Variants in SAMD5 observed in about 807,000 individuals in gnomAD.
The protein encoded by SAMD5 is sterile alpha motif domain containing 5.
SAMD5 carries 13 observed loss-of-function variants against 11.3 expected under a neutral mutation model. That is an observed-to-expected ratio of 1.15 (90% CI 0.75 to 1.83). The LOEUF (loss-of-function observed/expected upper bound fraction) is 1.83. Among genes scored for constraint, SAMD5 ranks in the 40% most tolerant of loss-of-function variants. The pLI is 0.00. For missense variants in SAMD5, 255 were observed against 239.1 expected (o/e 1.07, Z -0.44); for synonymous variants, 129 against 111.3 (o/e 1.16, Z -1.00).
At chr6:147,537,584 C>G (rs10872593) in intron 1 of SAMD5, among the ~76,000 whole-genome samples, 1 of 151,510 alleles carries the variant, frequency 6.6e-6, no homozygotes, top group Non-Finnish European at 1.5e-5. Flanking sequence ...AACCCCGTCT[C>G]TACTAAAAAT....
the SAMD5 span, among the ~76,000 whole-genome samples, chr6:147,813,542 C>T: frequency 6.6e-6 from 1 of 152,096 alleles, no homozygotes; most frequent in Non-Finnish European, 1.5e-5. Flanking sequence ...AAAACTGAGG[C>T]TTAGAAAGGT....
intron 1 of SAMD5, among the ~76,000 whole-genome samples, chr6:147,529,400 T>C (rs975030152): frequency 7.9e-5 from 12 of 152,332 alleles, no homozygotes; most frequent in African/African-American, 2.6e-4. Flanking sequence ...AAGAGTTCGA[T>C]GAATACCAAT....
chr6:147,878,810 A>G, the SAMD5 span, among the ~76,000 whole-genome samples: 27 of 151,936 alleles, frequency 1.8e-4, 1 homozygote, highest in Non-Finnish European at 4.4e-5. Flanking sequence ...GCTGGAGTGC[A>G]GTGGCGCAAT....
intron 1 of SAMD5, among the ~76,000 whole-genome samples, chr6:147,536,278 C>T (rs1332868055): frequency 2.6e-5 from 4 of 152,138 alleles, no homozygotes; most frequent in African/African-American, 7.2e-5. Flanking sequence ...CCACTGCGTC[C>T]GGCCAAGAAA....
intron 1 of SAMD5, among the ~76,000 whole-genome samples, chr6:147,644,282 C>T (rs978835118): frequency 2.6e-5 from 4 of 152,104 alleles, no homozygotes; most frequent in African/African-American, 9.7e-5. Flanking sequence ...AAGGACTTGC[C>T]TTCATGTATT....
intron 1 of SAMD5, among the ~76,000 whole-genome samples, chr6:147,536,796 A>AAT (rs999476071): frequency 5.3e-5 from 8 of 152,084 alleles, no homozygotes; most frequent in African/African-American, 1.9e-4. Flanking sequence ...ATAATTTTGG[A>AAT]ATATATATAA....
intron 1 of SAMD5, among the ~76,000 whole-genome samples, chr6:147,536,569 A>T (rs1157690204): frequency 6.6e-6 from 1 of 152,110 alleles, no homozygotes; most frequent in East Asian, 1.9e-4. Flanking sequence ...TTTTAAAGTT[A>T]TTTGAGAGCT....
chr6:147,527,910 G>C (rs1421174627), intron 1 of SAMD5, among the ~76,000 whole-genome samples: 2 of 152,110 alleles, frequency 1.3e-5, no homozygotes, highest in Non-Finnish European at 2.9e-5. Context: ...AGAGGCCTGA[G>C]GGAGATTTTA....
intron 1 of SAMD5, among the ~76,000 whole-genome samples, chr6:147,633,319 C>T (rs1790179111): frequency 6.6e-6 from 1 of 152,100 alleles, no homozygotes; most frequent in Non-Finnish European, 1.5e-5. Flanking sequence ...GCGGGCACCG[C>T]CTGCCATGTC....
At chr6:147,677,298 G>A (rs1056513544) in intron 1 of SAMD5, among the ~76,000 whole-genome samples, 1 of 152,154 alleles carries the variant, frequency 6.6e-6, no homozygotes, top group Admixed American at 6.5e-5. Flanking sequence ...TGATGGCAGA[G>A]CCACTCTGAA....
chr6:147,945,331 A>G, the SAMD5 span, among the ~76,000 whole-genome samples: 1 of 152,060 alleles, frequency 6.6e-6, no homozygotes, highest in South Asian at 2.1e-4. Context: ...CAGTACTATC[A>G]TTTTACCACA....
the SAMD5 span, among the ~76,000 whole-genome samples, chr6:147,865,240 G>C: frequency 6.6e-6 from 1 of 151,940 alleles, no homozygotes; most frequent in Non-Finnish European, 1.5e-5. Context: ...ACTGTGATGT[G>C]TGTGTGTGTG....
At position 147,715,088 on chromosome 6, in the gene SAMD5, G is replaced by A. The variant is rs1194087586; in HGVS notation, c.163-22229G>A. 2.0e-5 allele frequency among the ~76,000 whole-genome samples: 3 copies of A among 152,202 alleles called. No individual in the cohort carries two copies. The East Asian group carries it at 5.8e-4, about 29-fold the overall frequency. On this transcript the variant is annotated intron_variant, in intron 1 of 1. Coordinates refer to the SAMD5 transcript ENST00000566741. ...GTTTTACACTCTTTCCTGCAGTGGT[G>A]TCACGGGATCTTTAGGGTGTTTCTT...
chr6:147,752,515 G>A, the SAMD5 span, among the ~76,000 whole-genome samples: 6 of 152,138 alleles, frequency 3.9e-5, no homozygotes, highest in Non-Finnish European at 8.8e-5. Flanking sequence ...CCCTTTTCTG[G>A]TATTGATAGA....
At chr6:147,934,446 C>T in the SAMD5 span, among the ~76,000 whole-genome samples, 2 of 152,046 alleles carry the variant, frequency 1.3e-5, no homozygotes, top group Non-Finnish European at 2.9e-5. Flanking sequence ...GTAGGATACC[C>T]CTGACTAGGT....
the SAMD5 span, among the ~76,000 whole-genome samples, chr6:147,750,579 TCA>T: frequency 6.6e-6 from 1 of 152,180 alleles, no homozygotes; most frequent in Non-Finnish European, 1.5e-5. Flanking sequence ...ACCAGGCTTC[TCA>T]CAGTTTGATG....
At chr6:147,877,936 T>A in the SAMD5 span, among the ~76,000 whole-genome samples, 2,875 of 81,836 alleles carry the variant, frequency 0.035, 40 homozygotes, top group Non-Finnish European at 0.051. Context: ...GATAGATAGA[T>A]AGATAGATAG....
At chr6:147,558,951 A>G (rs1788902147) in intron 1 of SAMD5, among the ~76,000 whole-genome samples, 1 of 152,180 alleles carries the variant, frequency 6.6e-6, no homozygotes, top group Admixed American at 6.5e-5. Context: ...TGTCCTTTCC[A>G]ACTACCAAAT....
At chr6:147,794,042 C>G in the SAMD5 span, among the ~76,000 whole-genome samples, 1 of 152,136 alleles carries the variant, frequency 6.6e-6, no homozygotes, top group African/African-American at 2.4e-5. Flanking sequence ...AAACTTGCCT[C>G]CAAGGTGAGG....
Sources: allele counts gnomAD v4.1 joint callset (sites outside exome capture counted in the v4.1 genomes callset), GRCh38; gene constraint gnomAD v4.1.1; transcripts MANE v1.5; gene names NCBI Gene and HGNC (gene_info 2026-07-23, HGNC 2026-07-21).